The following PXDNL variants were observed in gnomAD, a reference collection of about 807,000 sequenced individuals.
The protein encoded by PXDNL is peroxidasin like.
In PXDNL, 145 loss-of-function variants were observed where a neutral mutation model predicts 150.8. The observed-to-expected ratio is 0.96, with a 90% CI of 0.84 to 1.10. The LOEUF (loss-of-function observed/expected upper bound fraction) is 1.10, where lower values mean the gene tolerates loss of function less well. PXDNL is among the 50% of genes least tolerant of loss of function. The pLI, the probability that PXDNL is intolerant of heterozygous loss-of-function variation, is 0.00. For synonymous variants in PXDNL, 757 were observed against 725.7 expected (o/e 1.04, Z -0.69); for missense variants, 2,087 against 1,873.9 (o/e 1.11, Z -2.10).
At chr8:51,760,379 G>A (rs2037148600) in intron 1 of PXDNL, among the ~76,000 whole-genome samples, 1 of 151,856 alleles carries the variant, frequency 6.6e-6, no homozygotes, top group South Asian at 2.1e-4. Flanking sequence ...AAAAGCTATT[G>A]TGAAATTACA....
intron 1 of PXDNL, among the ~76,000 whole-genome samples, chr8:51,680,305 A>T (rs1038228454): frequency 6.6e-6 from 1 of 152,164 alleles, no homozygotes; most frequent in Non-Finnish European, 1.5e-5. Context: ...TGTCGTCTTC[A>T]AAACACAGAA....
At chr8:51,515,107 C>T (rs1183864943) in intron 4 of PXDNL, among the ~76,000 whole-genome samples, 5 of 152,140 alleles carry the variant, frequency 3.3e-5, no homozygotes, top group Admixed American at 2.6e-4. Flanking sequence ...CTTACAGGGG[C>T]GTGAGAACCT....
chr8:51,593,134 GT>G (rs1563476264), intron 2 of PXDNL, among the ~76,000 whole-genome samples: 1 of 152,144 alleles, frequency 6.6e-6, no homozygotes, highest in Non-Finnish European at 1.5e-5. Flanking sequence ...TTGTGTATTT[GT>G]TAAACTGTCA....
chr8:51,705,821 G>T (rs1407275779), intron 1 of PXDNL, among the ~76,000 whole-genome samples: 2 of 67,462 alleles, frequency 3.0e-5, no homozygotes, highest in East Asian at 1.0e-3. Flanking sequence ...GTGTGTGTGT[G>T]TGTGTGTGTG....
intron 17 of PXDNL, among the ~76,000 whole-genome samples, chr8:51,376,283 T>C (rs1005114939): frequency 1.3e-5 from 2 of 152,210 alleles, no homozygotes; most frequent in Non-Finnish European, 2.9e-5. Flanking sequence ...AGGCATATTA[T>C]TCCTCGACAC....
Position 51,556,921 on chromosome 8 carries a change from A to G in PXDNL, c.309-10T>C. On this transcript the variant is annotated splice_polypyrimidine_tract_variant and intron_variant, in intron 3 of 22. Transcript: ENST00000356297. ...ATTCTTATACAGGTACCTGGAAAAT[A>G]TATAGAATGTCATTAAATTATAAAT... 1 of 1,446,290 alleles carries G rather than the reference A, an allele frequency of 6.9e-7. No individual in the cohort carries two copies. The highest frequency in any genetic ancestry group is 9.7e-7 in the Non-Finnish European group (1 of 1,029,328). 89.6% of individuals were successfully genotyped at this position (1,446,290 alleles called of 1,614,324 possible).
chr8:51,325,313 A>T (rs1805449318), intron 21 of PXDNL, among the ~76,000 whole-genome samples: 2 of 152,176 alleles, frequency 1.3e-5, no homozygotes, highest in African/African-American at 2.4e-5. Flanking sequence ...ATCTTACTTA[A>T]GCCTTCTGGT....
intron 14 of PXDNL, among the ~76,000 whole-genome samples, chr8:51,420,574 A>G (rs1463005994): frequency 6.6e-6 from 1 of 152,208 alleles, no homozygotes; most frequent in African/African-American, 2.4e-5. Flanking sequence ...CATTTATTTT[A>G]CTGTATTATT....
chr8:51,768,163 G>A (rs1029741933), intron 1 of PXDNL, among the ~76,000 whole-genome samples: 2 of 152,096 alleles, frequency 1.3e-5, no homozygotes, highest in Non-Finnish European at 2.9e-5. Flanking sequence ...CTGAGATTCA[G>A]TCACTTTGTA....
At chr8:51,358,062 A>G (rs1806574532) in intron 19 of PXDNL, among the ~76,000 whole-genome samples, 4 of 152,250 alleles carry the variant, frequency 2.6e-5, no homozygotes, top group East Asian at 1.9e-4. Context: ...CAGGATAAAC[A>G]TGATGTCACA....
intron 8 of PXDNL, among the ~76,000 whole-genome samples, chr8:51,461,874 A>G (rs560599419): frequency 2.0e-5 from 3 of 152,310 alleles, no homozygotes; most frequent in East Asian, 1.9e-4. Flanking sequence ...AAATAAGAAC[A>G]AGCTGAAATA....
At chr8:51,589,956 A>G (rs960872957) in intron 3 of PXDNL, among the ~76,000 whole-genome samples, 8 of 152,098 alleles carry the variant, frequency 5.3e-5, no homozygotes, top group East Asian at 1.9e-4. Flanking sequence ...CAGGAGAAAG[A>G]CTTCAAAGGC....
intron 4 of PXDNL, among the ~76,000 whole-genome samples, chr8:51,508,945 G>A (rs1051880076): frequency 1.3e-5 from 2 of 152,122 alleles, no homozygotes; most frequent in East Asian, 1.9e-4. Context: ...CTACATCTAA[G>A]TGGTTGGTTG....
chr8:51,695,089 C>A (rs1256838662), intron 1 of PXDNL, among the ~76,000 whole-genome samples: 3 of 152,100 alleles, frequency 2.0e-5, no homozygotes, highest in African/African-American at 7.2e-5. Flanking sequence ...GGGCTGGATA[C>A]CTTCAGAGGC....
chr8:51,387,462 C>A (rs1410530073), intron 17 of PXDNL, among the ~76,000 whole-genome samples: 1 of 152,094 alleles, frequency 6.6e-6, no homozygotes, highest in Non-Finnish European at 1.5e-5. Context: ...GAGATTGCCT[C>A]TATGTTCGGT....
chr8:51,533,500 C>T (rs1022435755), intron 4 of PXDNL, among the ~76,000 whole-genome samples: 1 of 133,194 alleles, frequency 7.5e-6, no homozygotes, highest in Non-Finnish European at 1.6e-5. Flanking sequence ...CCTCCCCCTC[C>T]CCCTCCCTCT....
chr8:51,396,495 G>A (rs1808086227), intron 17 of PXDNL, among the ~76,000 whole-genome samples: 1 of 152,222 alleles, frequency 6.6e-6, no homozygotes, highest in Non-Finnish European at 1.5e-5. Context: ...AGTGGCTCAT[G>A]CCTGTAATCC....
At chr8:51,650,200 T>C (rs1000038037) in intron 2 of PXDNL, among the ~76,000 whole-genome samples, 2 of 151,416 alleles carry the variant, frequency 1.3e-5, no homozygotes, top group African/African-American at 2.4e-5. Flanking sequence ...AGCAAAATAG[T>C]ATTATATACA....
intron 19 of PXDNL, among the ~76,000 whole-genome samples, chr8:51,358,002 C>T (rs1050325754): frequency 3.3e-5 from 5 of 152,144 alleles, no homozygotes; most frequent in African/African-American, 1.2e-4. Flanking sequence ...TGGAAGGTGT[C>T]TGTTTAGTGC....
Sources: gnomAD v4.1 joint callset for allele counts (sites outside exome capture counted in the v4.1 genomes callset) on GRCh38, gnomAD v4.1.1 for gene constraint, MANE v1.5 for transcripts, NCBI Gene and HGNC (gene_info 2026-07-23, HGNC 2026-07-21) for gene names.